The following PTPN3 variants were observed in gnomAD, a reference collection of about 807,000 sequenced individuals.
The protein encoded by PTPN3 is tyrosine-protein phosphatase non-receptor type 3.
PTPN3 carries 96 observed loss-of-function variants against 132.7 expected under a neutral mutation model. The observed-to-expected ratio is 0.72, with a 90% CI of 0.61 to 0.86. The LOEUF (loss-of-function observed/expected upper bound fraction) is 0.86, where lower values mean the gene tolerates loss of function less well. Ranked by LOEUF, PTPN3 falls within the 40% of genes least tolerant of loss-of-function variation. PTPN3 has a pLI of 0.00. For missense variants in PTPN3, 1,125 were observed against 1,159.6 expected, an observed-to-expected ratio of 0.97 and a Z score of 0.43; for synonymous variants, 398 against 429.0, an observed-to-expected ratio of 0.93 and a Z score of 0.89.
Position 109,377,982 on chromosome 9 carries a change from T to A in PTPN3, c.*1574A>T, listed in dbSNP as rs1396276099. 1 of 152,156 alleles carries A rather than the reference T, an allele frequency of 6.6e-6. No homozygotes were observed. The highest frequency in any genetic ancestry group is 1.9e-4 in the East Asian group (1 of 5,200). 9.4% of individuals were successfully genotyped at this position (152,156 alleles called of 1,614,324 possible). A position where few individuals can be genotyped will look rare whatever the true frequency, so the allele number is the denominator to read the frequency against. ...CCCTCCCACCTCTGCCATTTAGCAG[T>A]AAAATATCCATGTGGAAAAGAAACA... On this transcript the variant is annotated 3_prime_UTR_variant, in exon 26 of 26. Transcript: ENST00000374541.
At position 109,433,916 on chromosome 9, in the gene PTPN3, TAA is replaced by T. The variant is rs1170933792; in HGVS notation, c.676-757_676-756del. ...CTAGGCAGCAGAGGGAGACTCTGTT[TAA>T]AAAAAAAAAAAAAAAAAAAAAAAAA... On this transcript the variant is annotated intron_variant, in intron 9 of 25. Coordinates refer to ENST00000374541, the MANE Select transcript of PTPN3 (RefSeq NM_002829.4). 4.1e-3 allele frequency among the ~76,000 whole-genome samples: 403 copies of T among 98,296 alleles called. 11 individuals are homozygous for T. The highest frequency in any genetic ancestry group is 0.01 in the African/African-American group (307 of 29,906). 64.5% of individuals were successfully genotyped at this position (98,296 alleles called of 152,430 possible).
chr9:109,393,384 CTTTTTTTTTTTTT>C (rs929613549), intron 19 of PTPN3, among the ~76,000 whole-genome samples: 1 of 119,910 alleles, frequency 8.3e-6, no homozygotes, highest in African/African-American at 3.2e-5. Flanking sequence ...TTTTTTTTGT[CTTTTTTTTTTTTT>C]TTTTTTGAGA....
the PTPN3 span, among the ~76,000 whole-genome samples, chr9:109,506,075 G>A: frequency 6.6e-6 from 1 of 152,154 alleles, no homozygotes; most frequent in Non-Finnish European, 1.5e-5. Context: ...CTTAAAGGAG[G>A]TGCCCATAGA....
At chr9:109,442,055 A>AT (rs143574276) in intron 7 of PTPN3, among the ~76,000 whole-genome samples, 113 of 150,436 alleles carry the variant, frequency 7.5e-4, no homozygotes, top group East Asian at 2.0e-3. Context: ...ACAATAATTA[A>AT]TTTTTTTTTT....
chr9:109,522,189 G>A, the PTPN3 span, among the ~76,000 whole-genome samples: 1 of 152,230 alleles, frequency 6.6e-6, no homozygotes, highest in East Asian at 1.9e-4. Flanking sequence ...GACCAGGAGG[G>A]CAGCTATCTA....
intron 1 of PTPN3, among the ~76,000 whole-genome samples, chr9:109,495,426 G>A (rs1847630106): frequency 6.6e-6 from 1 of 152,182 alleles, no homozygotes; most frequent in African/African-American, 2.4e-5. Flanking sequence ...CATCCCCAAA[G>A]CTGAGCCCTT....
intron 1 of PTPN3, among the ~76,000 whole-genome samples, chr9:109,479,630 G>T (rs577254879): frequency 6.6e-6 from 1 of 152,138 alleles, no homozygotes; most frequent in Non-Finnish European, 1.5e-5. Context: ...AGGCTGGAGT[G>T]CAAAGGCACC....
chr9:109,381,419 C>T (rs549366420), intron 25 of PTPN3, among the ~76,000 whole-genome samples: 94 of 152,332 alleles, frequency 6.2e-4, no homozygotes, highest in Non-Finnish European at 6.0e-4. Flanking sequence ...ATACAGAATG[C>T]AACCAGGGCT....
intron 9 of PTPN3, among the ~76,000 whole-genome samples, chr9:109,434,497 G>A (rs1484230495): frequency 6.6e-6 from 1 of 152,038 alleles, no homozygotes; most frequent in Non-Finnish European, 1.5e-5. Flanking sequence ...TTGTAGAGAT[G>A]GGGTCACACT....
At chr9:109,505,852 C>T in the PTPN3 span, among the ~76,000 whole-genome samples, 2 of 151,392 alleles carry the variant, frequency 1.3e-5, no homozygotes, top group Non-Finnish European at 2.9e-5. Flanking sequence ...CGGGTTCATG[C>T]CATTCTTCTG....
At chr9:109,493,148 A>G (rs977921852) in intron 1 of PTPN3, among the ~76,000 whole-genome samples, 3 of 152,222 alleles carry the variant, frequency 2.0e-5, no homozygotes, top group African/African-American at 7.2e-5. Context: ...CACGCCTGTG[A>G]TTCCAGCACT....
At chr9:109,520,162 A>AG in the PTPN3 span, among the ~76,000 whole-genome samples, 3 of 151,556 alleles carry the variant, frequency 2.0e-5, no homozygotes. Context: ...CTGTCTCAAA[A>AG]AAAAAAAAAA....
chr9:109,436,711 A>G (rs1844078889), intron 9 of PTPN3, among the ~76,000 whole-genome samples, 172 bp downstream of exon 9: 1 of 152,212 alleles, frequency 6.6e-6, no homozygotes, highest in African/African-American at 2.4e-5. Context: ...AAAAAAAGCA[A>G]TTGGACAAAT....
Position 109,408,309 on chromosome 9 carries a change from G to A in PTPN3, c.1635+12C>T. ...ACAAACACGAGGAATAACATGGAAT[G>A]TATTTACTTACAGGTGACTCTGGGT... On this transcript the variant is annotated intron_variant, in intron 17 of 25. Coordinates refer to ENST00000374541, the MANE Select transcript of PTPN3 (RefSeq NM_002829.4). The A allele has an allele frequency of 1.3e-6, 2 of 1,543,746 alleles. No individual in the cohort carries two copies. Among genetic ancestry groups the A allele is most frequent in the Non-Finnish European group, 1.8e-6 (2 of 1,134,704 alleles).
At position 109,429,820 on chromosome 9, in the gene PTPN3, T is replaced by C. The variant is rs75162643; in HGVS notation, c.765-1136A>G. On this transcript the variant is annotated intron_variant, in intron 10 of 25. Coordinates refer to ENST00000374541, the MANE Select transcript of PTPN3 (RefSeq NM_002829.4). ...AATCCATACAAAGGGTGCATATTTC[T>C]CTGCTGGAATCTTTACTTCTGAAAT... Among the ~76,000 whole-genome samples, 1,283 of 152,324 alleles carry C rather than the reference T, an allele frequency of 8.4e-3. 20 individuals are homozygous for C. Among genetic ancestry groups the C allele is most frequent in the African/African-American group, 0.029 (1,215 of 41,588 alleles).
At chr9:109,422,911 T>C in intron 12 of PTPN3, 59 bp from the exon 13 acceptor site, 3 of 1,568,708 alleles carry the variant, frequency 1.9e-6, no homozygotes, top group Non-Finnish European at 2.6e-6. Context: ...AAGAAATTAC[T>C]GCATGTGTGA....
At chr9:109,391,597 A>G in intron 19 of PTPN3, 36 bp from the exon 20 acceptor site, 1 of 1,516,880 alleles carries the variant, frequency 6.6e-7, no homozygotes, top group African/African-American at 1.4e-5. Flanking sequence ...AAGCATTGCA[A>G]AAATCAGATG....
At chr9:109,521,991 G>GAGGCTTAGAA in the PTPN3 span, among the ~76,000 whole-genome samples, 174 of 152,220 alleles carry the variant, frequency 1.1e-3, no homozygotes, top group Middle Eastern at 6.8e-3. Flanking sequence ...GAGGCTTAGA[G>GAGGCTTAGAA]AGGCTAGAGC....
chr9:109,443,251 A>AT (rs1244726633), intron 7 of PTPN3, among the ~76,000 whole-genome samples: 1 of 151,628 alleles, frequency 6.6e-6, no homozygotes, highest in Non-Finnish European at 1.5e-5. Context: ...TAATTTTTCT[A>AT]TTTTTTGTAG....
Sources: allele counts gnomAD v4.1 joint callset (sites outside exome capture counted in the v4.1 genomes callset), GRCh38; gene constraint gnomAD v4.1.1; transcripts MANE v1.5; gene names NCBI Gene and HGNC (gene_info 2026-07-23, HGNC 2026-07-21).